MXRA5: variants seen among roughly 807,000 people sequenced by gnomAD.
MXRA5 encodes matrix-remodeling-associated protein 5.
In MXRA5, 41 loss-of-function variants were observed where a neutral mutation model predicts 112.5. The ratio of observed to expected loss-of-function variants is 0.36; its 90% confidence interval spans 0.28 to 0.47. MXRA5 has a LOEUF of 0.47. Among genes scored for constraint, MXRA5 ranks in the 20% least tolerant of loss-of-function variants. The probability of loss-of-function intolerance (pLI) is 0.99; values close to 1 mark genes in which losing one functional copy is unlikely to be tolerated. For missense variants in MXRA5, 2,150 were observed against 2,251.0 expected (o/e 0.96, Z 0.91); for synonymous variants, 862 against 900.8 (o/e 0.96, Z 0.77).
chrX:3,344,048 C>T (rs772652323), intron 1 of MXRA5, among the ~76,000 whole-genome samples, 187 bp from the exon 2 acceptor site: 8 of 110,550 alleles, frequency 7.2e-5, no homozygotes, highest in African/African-American at 2.6e-4. Flanking sequence ...AACTTTTCAC[C>T]ATTCACTTTA....
At chrX:3,332,856 G>T (rs559112651) in intron 2 of MXRA5, among the ~76,000 whole-genome samples, 10 of 111,857 alleles carry the variant, frequency 8.9e-5, no homozygotes, top group Middle Eastern at 4.6e-3. Context: ...TGGGCTCATA[G>T]CTATGTGTGT....
chrX:3,340,953 AAATAGATATATATTATGTAT>A (rs1168073236), intron 2 of MXRA5, among the ~76,000 whole-genome samples: 1 of 87,438 alleles, frequency 1.1e-5, no homozygotes, highest in African/African-American at 4.1e-5. Context: ...GAAGCACCGC[AAATAGATATATATTATGTAT>A]AATAGATATA....
At chrX:3,346,465 G>A in intron 1 of MXRA5, 50 bp downstream of exon 1, 1 of 734,186 alleles carries the variant, frequency 1.4e-6, no homozygotes, top group Non-Finnish European at 1.6e-6. Context: ...TTCACCCCCT[G>A]CAGGCAGACA....
intron 3 of MXRA5, 36 bp from the exon 4 acceptor site, chrX:3,330,444 G>T: frequency 8.6e-7 from 1 of 1,156,961 alleles, no homozygotes. Flanking sequence ...AAAACAAAAG[G>T]ATCCTGTTTA....
intron 4 of MXRA5, 74 bp from the exon 5 acceptor site, chrX:3,325,049 A>G: frequency 9.5e-7 from 1 of 1,052,724 alleles, no homozygotes; most frequent in Non-Finnish European, 1.2e-6. Flanking sequence ...GCCAGAGGAT[A>G]AAGCCTATGT....
At chrX:3,340,742 C>T (rs775696846) in intron 2 of MXRA5, among the ~76,000 whole-genome samples, 4 of 107,676 alleles carry the variant, frequency 3.7e-5, no homozygotes, top group East Asian at 2.9e-4. Flanking sequence ...TAAAAATGAA[C>T]GGGAAGAAAA....
Position 3,323,090 on chromosome X carries a change from T to C in MXRA5, c.2595A>G (p.Leu865=). 8.3e-7 allele frequency: 1 copy of C among 1,211,985 alleles called. No individual in the cohort carries two copies. Among genetic ancestry groups the C allele is most frequent in the Non-Finnish European group, 1.1e-6 (1 of 895,602 alleles). The change falls in exon 5 of 7, where the codon CTA becomes CTG. Residue 865 remains leucine, a synonymous_variant. Coordinates refer to ENST00000217939, the MANE Select transcript of MXRA5 (RefSeq NM_015419.4). ...LGTISSASMG[L]EHNHNGVILV... The stretch of plus-strand genomic sequence containing the variant: ...GAATAACTCCATTGTGGTTGTGTTC[T>C]AGCCCCATGCTGGCTGAGGAAATGG...
At chrX:3,328,609 C>G (rs889710694) in intron 4 of MXRA5, among the ~76,000 whole-genome samples, 1 of 110,791 alleles carries the variant, frequency 9.0e-6, no homozygotes, top group Non-Finnish European at 1.9e-5. Flanking sequence ...AGAATGCTCC[C>G]CCTTTCTACC....
intron 2 of MXRA5, among the ~76,000 whole-genome samples, chrX:3,331,876 C>T (rs1234023101): frequency 1.8e-5 from 2 of 112,116 alleles, no homozygotes; most frequent in Non-Finnish European, 3.8e-5. Flanking sequence ...GAAGCCTGCA[C>T]GCTGTTACCA....
intron 2 of MXRA5, among the ~76,000 whole-genome samples, chrX:3,341,168 T>C (rs866202486): frequency 0.014 from 763 of 54,514 alleles, 26 homozygotes; most frequent in African/African-American, 0.051. Flanking sequence ...TTATATATTA[T>C]ATACATAATA....
rs765643308 is a variant in MXRA5, at chrX:3,324,787, C to T, written c.898G>A (p.Glu300Lys). 5.8e-6 allele frequency: 7 copies of T among 1,210,774 alleles called. No homozygotes were observed. The South Asian group carries it at 1.1e-4, about 18-fold the overall frequency. ...AGGATGAGCTGGCTGCCACCATCCT[C>T]TTCCTGTTCTTGCTCCTCCTCAATA... is the stretch of plus-strand genomic sequence containing the variant. ...RSIEEEQEQEEDGGSQLILEK... is the reference protein window; with the variant it reads ...RSIEEEQEQEKDGGSQLILEK... Residue 300 changes from glutamate to lysine, a missense_variant, in exon 5 of 7, where the codon GAG (glutamate) becomes AAG (lysine). Glu to Lys is a moderately conservative substitution (Grantham distance 56, BLOSUM62 1). Coordinates refer to ENST00000217939, the MANE Select transcript of MXRA5 (RefSeq NM_015419.4).
intron 2 of MXRA5, among the ~76,000 whole-genome samples, chrX:3,335,179 TA>T (rs1274454783): frequency 1.8e-5 from 2 of 111,612 alleles, no homozygotes; most frequent in Non-Finnish European, 3.8e-5. Context: ...TTTTATTTTT[TA>T]TTTTTTTATT....
intron 2 of MXRA5, among the ~76,000 whole-genome samples, chrX:3,337,354 ATCC>A (rs891942487): frequency 1.3e-4 from 15 of 112,134 alleles, no homozygotes; most frequent in Non-Finnish European, 2.6e-4. Flanking sequence ...GATGCTCAAC[ATCC>A]TGTAATGCAC....
chrX:3,340,263 G>A (rs1175744571), intron 2 of MXRA5, among the ~76,000 whole-genome samples: 1 of 112,101 alleles, frequency 8.9e-6, no homozygotes. Context: ...TTCCTTGAGA[G>A]TCTTATATTT....
chrX:3,312,427 A>G (rs995436649), intron 6 of MXRA5, among the ~76,000 whole-genome samples: 2 of 112,334 alleles, frequency 1.8e-5, no homozygotes, highest in African/African-American at 6.5e-5. Flanking sequence ...TCCTTTAGTT[A>G]TTCGGAACTA....
At position 3,317,742 on chromosome X, in the gene MXRA5, G is replaced by A. The variant is rs1921188633; in HGVS notation, c.5939C>T (p.Pro1980Leu). 1 of 1,207,794 alleles carries A rather than the reference G, an allele frequency of 8.3e-7. No individual in the cohort carries two copies. Among genetic ancestry groups the A allele is most frequent in the Non-Finnish European group, 1.1e-6 (1 of 892,977 alleles). ...GTCAGGGAAGATCCAGGAAATTTGG[G>A]GGGCTGGGGTCCCTTTGGCCAGACA... is the stretch of plus-strand genomic sequence containing the variant. Reference protein sequence around the residue: ...MECLAKGTPAPQISWIFPDRR... With the variant: ...MECLAKGTPALQISWIFPDRR... The change falls in exon 6 of 7, where the codon CCC becomes CTC. Residue 1980 changes from proline to leucine, a missense_variant. Coordinates refer to ENST00000217939, the MANE Select transcript of MXRA5 (RefSeq NM_015419.4).
chrX:3,326,501 A>G (rs1377668581), intron 4 of MXRA5, among the ~76,000 whole-genome samples: 1 of 104,510 alleles, frequency 9.6e-6, no homozygotes, highest in Non-Finnish European at 1.9e-5. Context: ...CTAGGTAACT[A>G]TATCTATATT....
In MXRA5 at chrX:3,321,458, A is replaced by T. The variant is rs776994143; in HGVS notation, c.4227T>A (p.Leu1409=). The T allele has an allele frequency of 8.3e-7, 1 of 1,211,275 alleles. No individual in the cohort carries two copies. Among genetic ancestry groups the T allele is most frequent in the Non-Finnish European group, 1.1e-6 (1 of 895,113 alleles). Residue 1409 remains leucine (L), a synonymous_variant, in exon 5 of 7, where the codon CTT becomes CTA. Coordinates refer to ENST00000217939, the MANE Select transcript of MXRA5 (RefSeq NM_015419.4). ...AATCCACATCCTCAAGCTCTTTAAG[A>T]AGGGGAGGGTCTGTAAGATTTTCCC... ...TSGENLTDPP[L]LKELEDVDFT...
At chrX:3,315,043 T>G (rs1448191772) in intron 6 of MXRA5, among the ~76,000 whole-genome samples, 1 of 109,745 alleles carries the variant, frequency 9.1e-6, no homozygotes, top group Non-Finnish European at 1.9e-5. Flanking sequence ...AAATCTTACA[T>G]GCTAAGACAG....
Sources: allele counts gnomAD v4.1 joint callset (sites outside exome capture counted in the v4.1 genomes callset), GRCh38; gene constraint gnomAD v4.1.1; transcripts MANE v1.5; gene names NCBI Gene and HGNC (gene_info 2026-07-23, HGNC 2026-07-21).